The following ELMO1 variants were observed in gnomAD, a reference collection of about 807,000 sequenced individuals.
ELMO1 encodes engulfment and cell motility protein 1.
ELMO1 carries 26 observed loss-of-function variants against 98.9 expected under a neutral mutation model. The observed-to-expected ratio is 0.26, with a 90% CI of 0.19 to 0.36. The LOEUF is 0.36. Among genes scored for constraint, ELMO1 ranks in the 10% least tolerant of loss-of-function variants. The probability of loss-of-function intolerance (pLI) is 1.00; values close to 1 mark genes in which losing one functional copy is unlikely to be tolerated. For missense variants in ELMO1, 627 were observed against 935.2 expected, an observed-to-expected ratio of 0.67 and a Z score of 4.30; for synonymous variants, 346 against 346.0, an observed-to-expected ratio of 1.00 and a Z score of 0.00.
At chr7:37,102,056 T>G (rs1784675483) in intron 14 of ELMO1, among the ~76,000 whole-genome samples, 1 of 152,100 alleles carries the variant, frequency 6.6e-6, no homozygotes, top group Admixed American at 6.5e-5. Context: ...TCTCCCCACA[T>G]TCCAACACAG....
intron 16 of ELMO1, among the ~76,000 whole-genome samples, chr7:36,941,299 C>T (rs1298766044): frequency 6.6e-6 from 1 of 152,148 alleles, no homozygotes; most frequent in East Asian, 1.9e-4. Context: ...CGACAATGTG[C>T]CTTTCTGCTA....
At chr7:37,252,671 C>T (rs1271019333) in intron 6 of ELMO1, among the ~76,000 whole-genome samples, 1 of 152,100 alleles carries the variant, frequency 6.6e-6, no homozygotes, top group Non-Finnish European at 1.5e-5. Flanking sequence ...CAGGTGTGGG[C>T]AAAGGCTTCA....
chr7:37,353,792 C>A (rs1026038446), intron 1 of ELMO1: 1 of 152,186 alleles, frequency 6.6e-6, no homozygotes, highest in African/African-American at 2.4e-5. Context: ...TGTTTACAAA[C>A]CTTTAGCTAG....
At chr7:36,974,005 C>T (rs1790249206) in intron 16 of ELMO1, among the ~76,000 whole-genome samples, 1 of 152,226 alleles carries the variant, frequency 6.6e-6, no homozygotes, top group Non-Finnish European at 1.5e-5. Context: ...TGCAGCCCGC[C>T]ATGCCTGAGC....
Position 37,292,982 on chromosome 7 carries a change from C to T in ELMO1, c.193-21100G>A, listed in dbSNP as rs1283618803. Among the ~76,000 whole-genome samples, 23 of 59,114 alleles carry T rather than the reference C, an allele frequency of 3.9e-4. 3 individuals are homozygous for T. Among genetic ancestry groups the T allele is most frequent in the Non-Finnish European group, 8.4e-4 (21 of 25,138 alleles). 38.8% of individuals were successfully genotyped at this position (59,114 alleles called of 152,430 possible). A position where few individuals can be genotyped will look rare whatever the true frequency, so the allele number is the denominator to read the frequency against. The stretch of plus-strand genomic sequence containing the variant: ...GAAGTGAGGGGCGCCTCTGCCCGGC[C>T]GCCCCTACTGGGAAGTGAGGAGCCA... On this transcript the variant is annotated intron_variant, in intron 4 of 21. Coordinates refer to ENST00000310758, the MANE Select transcript of ELMO1 (RefSeq NM_014800.11).
chr7:37,235,102 A>T (rs963488985), intron 7 of ELMO1, among the ~76,000 whole-genome samples: 3 of 152,242 alleles, frequency 2.0e-5, no homozygotes, highest in Admixed American at 6.5e-5. Context: ...TTATTTGAAG[A>T]AAAGAACAGA....
rs906075493 is a variant in ELMO1 at position 36,870,180 on chromosome 7, A to G, written c.1905+213T>C. Among the ~76,000 whole-genome samples, 1 of 152,148 alleles carries G rather than the reference A, an allele frequency of 6.6e-6. No homozygotes were observed. Among genetic ancestry groups the G allele is most frequent in the Non-Finnish European group, 1.5e-5 (1 of 68,036 alleles). Reference sequence around the variant, plus strand: ...TAGGCAGGAAGTGAGAGAATGGAAAAGATGGTGAGCATCAGAAAAGGGGTC... The same window carrying G: ...TAGGCAGGAAGTGAGAGAATGGAAAGGATGGTGAGCATCAGAAAAGGGGTC... On this transcript the variant is annotated intron_variant, in intron 20 of 21. Coordinates refer to ENST00000310758, the MANE Select transcript of ELMO1 (RefSeq NM_014800.11). This position sits in a 1 kb window ranked among gnomAD's most constrained non-coding sequence, Gnocchi z 4.4.
intron 16 of ELMO1, among the ~76,000 whole-genome samples, chr7:36,914,672 C>T (rs531794278): frequency 6.6e-6 from 1 of 152,122 alleles, no homozygotes; most frequent in South Asian, 2.1e-4. Context: ...GGCCACCACG[C>T]CTAGCTAATT....
intron 6 of ELMO1, among the ~76,000 whole-genome samples, chr7:37,257,857 C>T (rs1455643022): frequency 1.4e-5 from 2 of 138,340 alleles, no homozygotes; most frequent in East Asian, 2.2e-4. Context: ...AAATTAGCTG[C>T]ATGTGGTGTC....
chr7:37,070,973 C>T (rs933132218), intron 15 of ELMO1, among the ~76,000 whole-genome samples: 2 of 152,166 alleles, frequency 1.3e-5, no homozygotes, highest in South Asian at 4.1e-4. Flanking sequence ...CATTCCCCCA[C>T]CGATTATCCT....
chr7:37,025,827 CATATATATTCTAT>C (rs1381607317), intron 15 of ELMO1, among the ~76,000 whole-genome samples: 4 of 150,742 alleles, frequency 2.7e-5, no homozygotes, highest in Non-Finnish European at 5.9e-5. Flanking sequence ...ACATATATAT[CATATATATTCTAT>C]ATATACATGA....
intron 18 of ELMO1, among the ~76,000 whole-genome samples, chr7:36,880,182 A>C (rs898201162): frequency 6.6e-6 from 1 of 152,194 alleles, no homozygotes; most frequent in African/African-American, 2.4e-5. Flanking sequence ...AAAGGGTGAT[A>C]GAGGCTGGGA....
chr7:36,941,232 T>C (rs1364904655), intron 16 of ELMO1, among the ~76,000 whole-genome samples: 1 of 152,264 alleles, frequency 6.6e-6, no homozygotes. Context: ...TACTATAAGG[T>C]ATATTCAGAA....
chr7:37,384,386 C>A (rs1442848827), intron 1 of ELMO1, among the ~76,000 whole-genome samples: 5 of 152,080 alleles, frequency 3.3e-5, no homozygotes, highest in Admixed American at 3.3e-4. Flanking sequence ...CAGGAATGAG[C>A]AAAATAATTA....
At chr7:37,395,591 AC>A (rs1487390918) in intron 1 of ELMO1, among the ~76,000 whole-genome samples, 3 of 152,196 alleles carry the variant, frequency 2.0e-5, no homozygotes, top group Non-Finnish European at 4.4e-5. Context: ...AAGTGAAAAC[AC>A]CCTGCAGTAA....
At chr7:37,331,239 G>A (rs1381164689) in intron 2 of ELMO1, among the ~76,000 whole-genome samples, 2 of 150,430 alleles carry the variant, frequency 1.3e-5, no homozygotes, top group Non-Finnish European at 3.0e-5. Flanking sequence ...GTGCAATCTC[G>A]GCTCACTGCA....
chr7:37,427,871 C>T (rs910054914), intron 1 of ELMO1, among the ~76,000 whole-genome samples: 1 of 152,216 alleles, frequency 6.6e-6, no homozygotes, highest in Admixed American at 6.5e-5. Flanking sequence ...GCAATAAAGA[C>T]AATAGTGCTC....
chr7:37,025,541 G>A (rs1194741553), intron 15 of ELMO1, among the ~76,000 whole-genome samples: 1 of 152,116 alleles, frequency 6.6e-6, no homozygotes, highest in Non-Finnish European at 1.5e-5. Context: ...AACCCTTGAG[G>A]GTCTGAATAG....
rs140596070 is a variant in ELMO1 at position 37,188,111 on chromosome 7, A to G, written c.1086+23275T>C. Among the ~76,000 whole-genome samples, 385 of 152,238 alleles carry G rather than the reference A, an allele frequency of 2.5e-3. 1 individual carries two copies. Among genetic ancestry groups the G allele is most frequent in the African/African-American group, 9.0e-3 (373 of 41,538 alleles). On this transcript the variant is annotated intron_variant, in intron 13 of 21. Coordinates refer to ENST00000310758, the MANE Select transcript of ELMO1 (RefSeq NM_014800.11). ...CTTTTACCGCGGTTCAGAAATTACA[A>G]ACTTCACACACTACATCTTCTTGAT...
Sources: gnomAD v4.1 joint callset for allele counts (sites outside exome capture counted in the v4.1 genomes callset) on GRCh38, gnomAD v4.1.1 for gene constraint, Gnocchi (gnomAD v3.1) non-coding constraint, MANE v1.5 for transcripts, NCBI Gene and HGNC (gene_info 2026-07-23, HGNC 2026-07-21) for gene names.